The following G3BP2 variants were observed in gnomAD, a reference collection of about 807,000 sequenced individuals.
G3BP2 encodes G3BP stress granule assembly factor 2, also known as ras GTPase-activating protein-binding protein 2.
A neutral mutation model predicts 56.7 loss-of-function variants in G3BP2; 11 were observed. The ratio of observed to expected loss-of-function variants is 0.19; its 90% confidence interval spans 0.12 to 0.32. The LOEUF (loss-of-function observed/expected upper bound fraction) is 0.32. Among genes scored for constraint, G3BP2 ranks in the 10% least tolerant of loss-of-function variants. The pLI, the probability that G3BP2 is intolerant of heterozygous loss-of-function variation, is 1.00. For synonymous variants in G3BP2, 165 were observed against 191.6 expected, an observed-to-expected ratio of 0.86 and a Z score of 1.15; for missense variants, 340 against 610.9, an observed-to-expected ratio of 0.56 and a Z score of 4.67.
chr4:75,650,263 T>C (rs1008016477), intron 8 of G3BP2, among the ~76,000 whole-genome samples: 2 of 151,250 alleles, frequency 1.3e-5, no homozygotes, highest in African/African-American at 4.9e-5. Flanking sequence ...GGAGAAACCC[T>C]GTCTCTACTA....
intron 5 of G3BP2, among the ~76,000 whole-genome samples, chr4:75,656,461 G>C (rs1427673936): frequency 6.6e-6 from 1 of 152,032 alleles, no homozygotes. Flanking sequence ...AGCTTCCTTT[G>C]TAACATATAT....
chr4:75,723,089 A>G (rs950492561), intron 1 of G3BP2, among the ~76,000 whole-genome samples: 1 of 152,222 alleles, frequency 6.6e-6, no homozygotes, highest in Non-Finnish European at 1.5e-5. Context: ...GCTTTCAAGA[A>G]TGATGTCAGA....
intron 1 of G3BP2, chr4:75,724,238 A>C (rs1720305292): frequency 6.5e-6 from 1 of 153,912 alleles, no homozygotes; most frequent in Admixed American, 6.4e-5. Context: ...GTAAACCGTC[A>C]AACCAAGCGA....
At chr4:75,696,537 G>A (rs1577884066) in intron 3 of G3BP2, among the ~76,000 whole-genome samples, 2 of 152,246 alleles carry the variant, frequency 1.3e-5, no homozygotes, top group African/African-American at 4.8e-5. Context: ...TTTTGAGAGT[G>A]TGGAAGGGTC....
intron 3 of G3BP2, among the ~76,000 whole-genome samples, chr4:75,705,956 A>G (rs1719528170): frequency 6.6e-6 from 1 of 152,174 alleles, no homozygotes; most frequent in Non-Finnish European, 1.5e-5. Flanking sequence ...TTCTTCCCAT[A>G]CACAATATAT....
intron 1 of G3BP2, among the ~76,000 whole-genome samples, chr4:75,723,883 T>G (rs948872725): frequency 6.9e-6 from 1 of 144,182 alleles, no homozygotes; most frequent in Non-Finnish European, 1.5e-5. Context: ...TTAGAGAAAA[T>G]GACAATTTTT....
chr4:75,663,413 A>G (rs918069055), intron 1 of G3BP2, among the ~76,000 whole-genome samples: 5 of 152,136 alleles, frequency 3.3e-5, no homozygotes, highest in African/African-American at 4.8e-5. Context: ...GACTATAAGC[A>G]TGCACCTGGC....
At chr4:75,694,649 A>T in intron 3 of G3BP2, 1 of 351,348 alleles carries the variant, frequency 2.8e-6, no homozygotes, top group East Asian at 1.7e-4. Flanking sequence ...GAGGTGGGAG[A>T]ATCGCTTGAA....
chr4:75,689,193 A>G (rs894016586), intron 3 of G3BP2, among the ~76,000 whole-genome samples: 1 of 152,226 alleles, frequency 6.6e-6, no homozygotes, highest in Non-Finnish European at 1.5e-5. Flanking sequence ...CCTTGCCAAC[A>G]TGGCAAAACC....
intron 2 of G3BP2, among the ~76,000 whole-genome samples, chr4:75,660,039 T>A (rs940409200): frequency 2.6e-5 from 4 of 152,214 alleles, no homozygotes; most frequent in Non-Finnish European, 5.9e-5. Context: ...TTCATTAGTG[T>A]TGCTTACCAC....
At chr4:75,656,562 C>T (rs1327455225) in intron 5 of G3BP2, among the ~76,000 whole-genome samples, 1 of 151,808 alleles carries the variant, frequency 6.6e-6, no homozygotes, top group East Asian at 1.9e-4. Context: ...CATAGACAGC[C>T]AACAAAGACA....
At chr4:75,678,666 A>G (rs2149063096) in intron 3 of G3BP2, among the ~76,000 whole-genome samples, 1 of 152,274 alleles carries the variant, frequency 6.6e-6, no homozygotes, top group African/African-American at 2.4e-5. Context: ...AATAAAAAAG[A>G]ATCTGGGCTC....
In G3BP2 at chr4:75,646,459, G is replaced by A. The variant is rs2148941888; in HGVS notation, c.1058-3C>T. 3 of 1,482,752 alleles carry A rather than the reference G, an allele frequency of 2.0e-6. No homozygotes were observed. Among genetic ancestry groups the A allele is most frequent in the Non-Finnish European group, 2.8e-6 (3 of 1,060,750 alleles). The allele number at this position is 1,482,752 out of a possible 1,614,324, so 91.8% of individuals were successfully genotyped here. A position where few individuals can be genotyped will look rare whatever the true frequency, so the allele number is the denominator to read the frequency against. On this transcript the variant is annotated splice_region_variant and splice_polypyrimidine_tract_variant and intron_variant, in intron 10 of 11. Transcript: ENST00000359707. Reference sequence around the variant, plus strand: ...AAGTTCCACAACGTTTCCAAAACCTGTGAAAATATACATTACATCAAGGGT... The same window carrying A: ...AAGTTCCACAACGTTTCCAAAACCTATGAAAATATACATTACATCAAGGGT...
chr4:75,656,957 C>G lies in G3BP2; in HGVS notation c.409G>C (p.Val137Leu), dbSNP rs1448699500. ...AGTTCAGGCTCAGAATCACCAAACA[C>G]TTCATCTTCATAACGAAACATATCA... Reference protein sequence around the residue: ...HNDMFRYEDEVFGDSEPELDE... With the variant: ...HNDMFRYEDELFGDSEPELDE... The change falls in exon 5 of 12, where the codon GTG (valine) becomes CTG (leucine). Residue 137 changes from valine to leucine, a missense_variant. Coordinates refer to ENST00000359707, the MANE Select transcript of G3BP2 (RefSeq NM_203505.3). 1 of 1,548,316 alleles carries G rather than the reference C, an allele frequency of 6.5e-7. No individual in the cohort carries two copies. The highest frequency in any genetic ancestry group is 8.9e-7 in the Non-Finnish European group (1 of 1,126,324).
chr4:75,720,842 A>G (rs1423784380), intron 3 of G3BP2, among the ~76,000 whole-genome samples: 1 of 141,230 alleles, frequency 7.1e-6, no homozygotes, highest in African/African-American at 2.6e-5. Context: ...TAAATAAATA[A>G]AAATATTTTG....
chr4:75,714,536 G>A (rs971228804), intron 3 of G3BP2, among the ~76,000 whole-genome samples: 3 of 152,268 alleles, frequency 2.0e-5, no homozygotes, highest in African/African-American at 4.8e-5. Context: ...GCAGAGGCAG[G>A]AGAATCACTT....
At chr4:75,713,850 A>G (rs1029656834) in intron 3 of G3BP2, among the ~76,000 whole-genome samples, 5 of 152,206 alleles carry the variant, frequency 3.3e-5, no homozygotes, top group Non-Finnish European at 5.9e-5. Context: ...GATGTCATAT[A>G]CTTTCTGAGA....
intron 1 of G3BP2, 67 bp downstream of exon 1, chr4:75,673,141 C>A (rs1733640765): frequency 1.8e-6 from 2 of 1,122,490 alleles, no homozygotes; most frequent in Non-Finnish European, 2.2e-6. Flanking sequence ...CCTCGCGCCG[C>A]GGAGCGCGAA....
chr4:75,659,229 G>A (rs146006658), intron 2 of G3BP2, among the ~76,000 whole-genome samples: 17 of 152,180 alleles, frequency 1.1e-4, no homozygotes, highest in African/African-American at 3.9e-4. Flanking sequence ...TGGAAAAATC[G>A]GATATTTTTG....
Sources: gnomAD v4.1 joint callset for allele counts (sites outside exome capture counted in the v4.1 genomes callset) on GRCh38, gnomAD v4.1.1 for gene constraint, MANE v1.5 for transcripts, NCBI Gene and HGNC (gene_info 2026-07-23, HGNC 2026-07-21) for gene names.